The following TMC1 variants were observed in gnomAD, a reference collection of about 807,000 sequenced individuals.
The protein encoded by TMC1 is transmembrane channel-like protein 1.
A neutral mutation model predicts 105.8 loss-of-function variants in TMC1; 84 were observed. That is an observed-to-expected ratio of 0.79 (90% CI 0.67 to 0.95). The LOEUF is 0.95. TMC1 is among the 40% of genes least tolerant of loss of function. The probability of loss-of-function intolerance (pLI) is 0.00; values close to 1 mark genes in which losing one functional copy is unlikely to be tolerated. For synonymous variants in TMC1, 315 were observed against 311.5 expected, an observed-to-expected ratio of 1.01 and a Z score of -0.12; for missense variants, 817 against 914.1, an observed-to-expected ratio of 0.89 and a Z score of 1.37.
chr9:72,678,373 A>G (rs1826235838), intron 5 of TMC1, among the ~76,000 whole-genome samples: 1 of 152,072 alleles, frequency 6.6e-6, no homozygotes, highest in Non-Finnish European at 1.5e-5. Context: ...ATTCTATTTT[A>G]GAGCAAAAAT....
At chr9:72,794,077 AC>A (rs1338178997) in intron 17 of TMC1, among the ~76,000 whole-genome samples, 1 of 151,714 alleles carries the variant, frequency 6.6e-6, no homozygotes. Flanking sequence ...GGTCCTACCT[AC>A]CCCCACCCCC....
intron 17 of TMC1, among the ~76,000 whole-genome samples, chr9:72,796,215 A>G (rs1405266265): frequency 6.6e-6 from 1 of 152,150 alleles, no homozygotes; most frequent in African/African-American, 2.4e-5. Flanking sequence ...TTAGAGACCT[A>G]CAAAGAGACA....
chr9:72,600,364 A>G (rs1431143380), intron 2 of TMC1, among the ~76,000 whole-genome samples: 1 of 152,200 alleles, frequency 6.6e-6, no homozygotes, highest in Non-Finnish European at 1.5e-5. Context: ...CCAGTGTGAC[A>G]GGATTGTGTA....
chr9:72,675,485 G>C (rs768625019), intron 5 of TMC1, among the ~76,000 whole-genome samples: 1 of 152,164 alleles, frequency 6.6e-6, no homozygotes, highest in African/African-American at 2.4e-5. Context: ...GCACCTGCGT[G>C]TATTTGTTGC....
chr9:72,735,649 C>T (rs969605187), intron 8 of TMC1, among the ~76,000 whole-genome samples: 2 of 151,980 alleles, frequency 1.3e-5, no homozygotes, highest in African/African-American at 4.8e-5. Flanking sequence ...TAGTTTTTTT[C>T]CATCCTGAAA....
At chr9:72,655,716 C>T (rs555958594) in intron 5 of TMC1, 277 of 430,590 alleles carry the variant, frequency 6.4e-4, no homozygotes, top group Non-Finnish European at 9.2e-4. Context: ...CACTCCAGCC[C>T]GGGCGACAGA....
At position 72,826,962 on chromosome 9, in the gene TMC1, T is replaced by G; in HGVS notation, c.2097T>G (p.Pro699=). ...MAKILRQLSN[P]GLVIAVILVM... is the part of the protein sequence containing the mutation. ...AGATCTTGAGACAGCTTTCAAACCC[T>G]GGGCTGGTCATTGCTGTCATTTTGG... Residue 699 remains proline, a synonymous_variant, in exon 21 of 24, where the codon CCT becomes CCG. Coordinates refer to ENST00000297784, the MANE Select transcript of TMC1 (RefSeq NM_138691.3). The G allele has an allele frequency of 6.2e-7, 1 of 1,614,102 alleles. No individual in the cohort carries two copies. Among genetic ancestry groups the G allele is most frequent in the Non-Finnish European group, 8.5e-7 (1 of 1,179,952 alleles).
At chr9:72,580,820 G>A (rs911545892) in intron 2 of TMC1, among the ~76,000 whole-genome samples, 1 of 152,052 alleles carries the variant, frequency 6.6e-6, no homozygotes, top group Non-Finnish European at 1.5e-5. Flanking sequence ...AGTGAAGCAG[G>A]GTGGGCAGAT....
intron 20 of TMC1, among the ~76,000 whole-genome samples, chr9:72,824,975 G>T (rs1036497777): frequency 6.6e-6 from 1 of 152,168 alleles, no homozygotes; most frequent in Non-Finnish European, 1.5e-5. Flanking sequence ...AGGTTTTTTA[G>T]TATTAAAAGT....
chr9:72,798,911 A>G (rs973450351), intron 17 of TMC1, among the ~76,000 whole-genome samples: 2 of 152,060 alleles, frequency 1.3e-5, no homozygotes, highest in East Asian at 3.8e-4. Flanking sequence ...TTGTTAAATA[A>G]TTTTCCCTTA....
chr9:72,568,389 T>G (rs926307257), intron 1 of TMC1, among the ~76,000 whole-genome samples: 1 of 152,214 alleles, frequency 6.6e-6, no homozygotes, highest in African/African-American at 2.4e-5. Context: ...GAGATTAGAA[T>G]TCTATTCTAG....
intron 12 of TMC1, among the ~76,000 whole-genome samples, chr9:72,764,083 C>G (rs1163210104): frequency 6.6e-6 from 1 of 152,144 alleles, no homozygotes; most frequent in Non-Finnish European, 1.5e-5. Context: ...ATAATTTAAA[C>G]ACATAGCACC....
intron 3 of TMC1, among the ~76,000 whole-genome samples, chr9:72,627,254 G>A (rs1391302811): frequency 6.6e-6 from 1 of 152,094 alleles, no homozygotes; most frequent in Non-Finnish European, 1.5e-5. Context: ...GCGGTCTGGG[G>A]AGCATTATTC....
At chr9:72,786,145 A>T (rs3123548) in intron 13 of TMC1, among the ~76,000 whole-genome samples, 1 of 152,216 alleles carries the variant, frequency 6.6e-6, no homozygotes, top group African/African-American at 2.4e-5. Context: ...CAAGAAATTC[A>T]GTATAAAAAC....
chr9:72,633,765 C>A (rs1392148246), intron 4 of TMC1, among the ~76,000 whole-genome samples: 1 of 152,122 alleles, frequency 6.6e-6, no homozygotes, highest in Admixed American at 6.6e-5. Flanking sequence ...TTCTAATCAC[C>A]AAATGTGTGG....
intron 1 of TMC1, among the ~76,000 whole-genome samples, chr9:72,576,277 G>C (rs2132094463): frequency 6.6e-6 from 1 of 152,260 alleles, no homozygotes; most frequent in East Asian, 1.9e-4. Context: ...TGACCTCTTA[G>C]AGCACCATAA....
At chr9:72,742,691 A>G (rs1827411092) in intron 10 of TMC1, among the ~76,000 whole-genome samples, 166 bp downstream of exon 10, 1 of 152,176 alleles carries the variant, frequency 6.6e-6, no homozygotes, top group Non-Finnish European at 1.5e-5. Context: ...TGCTTTCGTC[A>G]CTGTGAAGAT....
intron 14 of TMC1, among the ~76,000 whole-genome samples, chr9:72,788,770 A>T (rs1053981009): frequency 3.3e-5 from 5 of 152,206 alleles, no homozygotes; most frequent in African/African-American, 7.2e-5. Flanking sequence ...TATTTTAAAA[A>T]CTAGAACAAT....
At chr9:72,779,176 G>A (rs1428179816) in intron 13 of TMC1, among the ~76,000 whole-genome samples, 3 of 152,228 alleles carry the variant, frequency 2.0e-5, no homozygotes, top group Non-Finnish European at 4.4e-5. Context: ...CAGGAGTGCT[G>A]AGCTGAGCCC....
Sources: allele counts gnomAD v4.1 joint callset (sites outside exome capture counted in the v4.1 genomes callset), GRCh38; gene constraint gnomAD v4.1.1; transcripts MANE v1.5; gene names NCBI Gene and HGNC (gene_info 2026-07-23, HGNC 2026-07-21).